Variants in RIMS1 observed in about 807,000 individuals in gnomAD.
RIMS1 encodes regulating synaptic membrane exocytosis 1.
A neutral mutation model predicts 214.1 loss-of-function variants in RIMS1; 83 were observed. That is an observed-to-expected ratio of 0.39 (90% CI 0.32 to 0.47). The LOEUF (loss-of-function observed/expected upper bound fraction) is 0.47. RIMS1 is among the 20% of genes least tolerant of loss of function. The pLI, the probability that RIMS1 is intolerant of heterozygous loss-of-function variation, is 0.99. For synonymous variants in RIMS1, 793 were observed against 786.8 expected (o/e 1.01, Z -0.13); for missense variants, 2,050 against 2,161.8 (o/e 0.95, Z 1.03).
At chr6:72,315,575 A>G (rs1396129490) in intron 28 of RIMS1, among the ~76,000 whole-genome samples, 1 of 152,154 alleles carries the variant, frequency 6.6e-6, no homozygotes, top group African/African-American at 2.4e-5. Flanking sequence ...ATAATTAGGA[A>G]GAATAGAGAG....
intron 4 of RIMS1, among the ~76,000 whole-genome samples, chr6:72,167,324 T>G (rs1200384926): frequency 6.6e-6 from 1 of 152,008 alleles, no homozygotes; most frequent in African/African-American, 2.4e-5. Flanking sequence ...AGTTTGGTAG[T>G]TTTTTTCTTA....
At chr6:72,245,682 A>T in intron 10 of RIMS1, 133 bp from the exon 11 acceptor site, 1 of 619,342 alleles carries the variant, frequency 1.6e-6, no homozygotes, top group South Asian at 2.4e-5. Flanking sequence ...TAGTTGCCTT[A>T]ATAGTAACTC....
At chr6:71,889,480 A>G (rs1359486518) in intron 1 of RIMS1, among the ~76,000 whole-genome samples, 1 of 152,188 alleles carries the variant, frequency 6.6e-6, no homozygotes, top group African/African-American at 2.4e-5. Flanking sequence ...TGATGCTGTT[A>G]TACAACAGCT....
intron 2 of RIMS1, among the ~76,000 whole-genome samples, chr6:72,088,460 C>T (rs565286217): frequency 3.8e-4 from 57 of 151,676 alleles, no homozygotes; most frequent in African/African-American, 1.3e-3. Context: ...CATGTTGGCC[C>T]GGCTCCAGGC....
chr6:72,262,800 C>T lies in RIMS1; in HGVS notation c.3116+2033C>T, dbSNP rs2154167442. On this transcript the variant is annotated intron_variant, in intron 19 of 33. Coordinates refer to ENST00000521978, the MANE Select transcript of RIMS1 (RefSeq NM_014989.7). ...ATCCATGGCTAAAATCTAAAGCTTTCAAAATACATCATACCATGTTCACTT... is the reference window on the plus strand; with the variant it reads ...ATCCATGGCTAAAATCTAAAGCTTTTAAAATACATCATACCATGTTCACTT... 3 of 748,000 alleles carry T rather than the reference C, an allele frequency of 4.0e-6. No homozygotes were observed. The African/African-American group carries it at 5.7e-5, about 14-fold the overall frequency. 46.3% of individuals were successfully genotyped at this position (748,000 alleles called of 1,614,324 possible).
intron 24 of RIMS1, 97 bp from the exon 25 acceptor site, chr6:72,290,582 A>C: frequency 2.0e-6 from 2 of 986,776 alleles, no homozygotes; most frequent in Non-Finnish European, 3.0e-6. Flanking sequence ...AATTACTGTC[A>C]TGTACGAGTA....
At chr6:71,932,041 A>G (rs1783197235) in intron 1 of RIMS1, among the ~76,000 whole-genome samples, 1 of 152,140 alleles carries the variant, frequency 6.6e-6, no homozygotes, top group South Asian at 2.1e-4. Context: ...AGTGTAAATT[A>G]GTTCAACCAT....
chr6:72,315,235 AT>A (rs891228636), intron 28 of RIMS1, among the ~76,000 whole-genome samples: 59 of 152,188 alleles, frequency 3.9e-4, no homozygotes, highest in Non-Finnish European at 7.9e-4. Flanking sequence ...AAGATAGAGG[AT>A]TTTTTTGCTT....
chr6:72,235,791 G>A, intron 8 of RIMS1, 63 bp downstream of exon 8: 1 of 725,610 alleles, frequency 1.4e-6, no homozygotes, highest in Admixed American at 3.8e-5. Flanking sequence ...GCATTCATCG[G>A]AGTTTCTGGC....
chr6:72,391,197 A>G (rs1161740335), intron 30 of RIMS1, among the ~76,000 whole-genome samples: 1 of 152,138 alleles, frequency 6.6e-6, no homozygotes, highest in African/African-American at 2.4e-5. Context: ...TATGTAAGTT[A>G]CATTTTCTTG....
intron 4 of RIMS1, among the ~76,000 whole-genome samples, chr6:72,176,023 A>G (rs1368789910): frequency 1.1e-4 from 17 of 152,218 alleles, no homozygotes; most frequent in Admixed American, 1.1e-3. Flanking sequence ...TCAGTCCTGC[A>G]TATTTTCTGA....
At chr6:71,954,625 A>G (rs1175680636) in intron 1 of RIMS1, among the ~76,000 whole-genome samples, 1 of 151,860 alleles carries the variant, frequency 6.6e-6, no homozygotes, top group Non-Finnish European at 1.5e-5. Context: ...ATTATATTCT[A>G]CTGGCATGAA....
At chr6:71,939,622 T>G (rs1785439399) in intron 1 of RIMS1, among the ~76,000 whole-genome samples, 1 of 152,182 alleles carries the variant, frequency 6.6e-6, no homozygotes, top group African/African-American at 2.4e-5. Flanking sequence ...CTGCTGCAAC[T>G]TAACACTGTG....
intron 4 of RIMS1, among the ~76,000 whole-genome samples, chr6:72,165,945 G>T (rs1314950521): frequency 1.3e-5 from 2 of 152,122 alleles, no homozygotes; most frequent in African/African-American, 4.8e-5. Context: ...ATTAAATATG[G>T]TATATGTCTG....
intron 2 of RIMS1, among the ~76,000 whole-genome samples, chr6:72,029,245 C>T (rs914091698): frequency 1.3e-5 from 2 of 152,076 alleles, no homozygotes; most frequent in African/African-American, 4.8e-5. Context: ...GGATCAAATG[C>T]AGAAAAAATA....
chr6:72,121,326 G>A (rs761949156), intron 4 of RIMS1, among the ~76,000 whole-genome samples: 5 of 151,626 alleles, frequency 3.3e-5, no homozygotes, highest in African/African-American at 7.3e-5. Context: ...CTTTTATTTC[G>A]TTGAGCAGTG....
intron 6 of RIMS1, among the ~76,000 whole-genome samples, chr6:72,193,575 A>G (rs919324302): frequency 1.3e-5 from 2 of 152,184 alleles, no homozygotes; most frequent in Non-Finnish European, 2.9e-5. Flanking sequence ...AAACTCCACC[A>G]TTGCCTACTA....
chr6:72,289,324 G>C (rs925031367), intron 24 of RIMS1, among the ~76,000 whole-genome samples: 2 of 152,116 alleles, frequency 1.3e-5, no homozygotes, highest in Non-Finnish European at 2.9e-5. Context: ...TCACTGGAAA[G>C]GACTTGATCA....
chr6:71,934,217 C>A (rs1783890152), intron 1 of RIMS1, among the ~76,000 whole-genome samples: 1 of 152,176 alleles, frequency 6.6e-6, no homozygotes, highest in African/African-American at 2.4e-5. Flanking sequence ...GTATTTGCTT[C>A]AGCAAATCAT....
Sources: gnomAD v4.1 joint callset for allele counts (sites outside exome capture counted in the v4.1 genomes callset) on GRCh38, gnomAD v4.1.1 for gene constraint, MANE v1.5 for transcripts, NCBI Gene and HGNC (gene_info 2026-07-23, HGNC 2026-07-21) for gene names.